Variants in KIAA0825 observed in about 807,000 individuals in gnomAD.
The protein encoded by KIAA0825 is uncharacterized protein KIAA0825.
Under a neutral mutation model 147.6 loss-of-function variants are expected in KIAA0825, and 119 were observed. That is an observed-to-expected ratio of 0.81 (90% CI 0.69 to 0.94). The LOEUF (loss-of-function observed/expected upper bound fraction) is 0.94. KIAA0825 is among the 40% of genes least tolerant of loss of function. KIAA0825 has a pLI of 0.00. For missense variants in KIAA0825, 1,381 were observed against 1,472.7 expected (o/e 0.94, Z 1.02); for synonymous variants, 470 against 518.1 (o/e 0.91, Z 1.26).
chr5:94,284,843 T>A (rs959530914), intron 20 of KIAA0825, among the ~76,000 whole-genome samples: 4 of 152,148 alleles, frequency 2.6e-5, no homozygotes, highest in Admixed American at 6.6e-5. Context: ...CTGCCACAGA[T>A]CTCACTTAGA....
At chr5:94,245,342 G>A (rs910798224) in intron 20 of KIAA0825, among the ~76,000 whole-genome samples, 4 of 152,156 alleles carry the variant, frequency 2.6e-5, no homozygotes, top group African/African-American at 9.7e-5. Context: ...TCAGCAAACA[G>A]TTGTTCTGGT....
chr5:94,273,984 G>A (rs1250416674), intron 20 of KIAA0825, among the ~76,000 whole-genome samples: 1 of 152,088 alleles, frequency 6.6e-6, no homozygotes, highest in African/African-American at 2.4e-5. Flanking sequence ...GGTATAATTG[G>A]TACAGAATAG....
At position 94,237,027 on chromosome 5, in the gene KIAA0825, T is replaced by C. The variant is rs1164938428; in HGVS notation, c.3711-82903A>G. On this transcript the variant is annotated intron_variant, in intron 20 of 20. Transcript: ENST00000682413. ...CCAAACTGACAATATCTCTGAAGTA[T>C]GCCTAAATAGGCTATATGTGTGTGT... Among the ~76,000 whole-genome samples the C allele has an allele frequency of 3.3e-5, 5 of 151,004 alleles. No individual in the cohort carries two copies. The Admixed American group carries it at 3.3e-4, about 10-fold the overall frequency.
At chr5:94,444,800 T>C (rs563486432) in intron 13 of KIAA0825, among the ~76,000 whole-genome samples, 2 of 151,960 alleles carry the variant, frequency 1.3e-5, no homozygotes, top group South Asian at 4.2e-4. Context: ...GAACCTAACA[T>C]AGGGAATAAG....
intron 20 of KIAA0825, among the ~76,000 whole-genome samples, chr5:94,269,920 A>G (rs1443359556): frequency 6.6e-6 from 1 of 152,078 alleles, no homozygotes; most frequent in Non-Finnish European, 1.5e-5. Flanking sequence ...AAATAAGAAA[A>G]AAAGAAGACC....
chr5:94,579,691 T>C (rs535591721), intron 2 of KIAA0825, among the ~76,000 whole-genome samples: 2 of 152,332 alleles, frequency 1.3e-5, no homozygotes, highest in African/African-American at 4.8e-5. Flanking sequence ...CCAGAAAACT[T>C]TTCTATATTG....
At chr5:94,370,964 C>T (rs908553250) in intron 20 of KIAA0825, among the ~76,000 whole-genome samples, 2 of 151,832 alleles carry the variant, frequency 1.3e-5, no homozygotes, top group Non-Finnish European at 2.9e-5. Context: ...ATAGCCTATT[C>T]CTTAGACTTA....
intron 20 of KIAA0825, among the ~76,000 whole-genome samples, chr5:94,309,102 G>A (rs1278127227): frequency 6.6e-6 from 1 of 151,622 alleles, no homozygotes; most frequent in African/African-American, 2.4e-5. Flanking sequence ...TCTGTAGCAA[G>A]TTATTCAATA....
intron 15 of KIAA0825, among the ~76,000 whole-genome samples, chr5:94,404,685 T>C (rs29930): frequency 0.27 from 40,928 of 152,128 alleles, 5,769 homozygotes; most frequent in Middle Eastern, 0.33. Flanking sequence ...TTATTTCAAA[T>C]GATAATAATT....
rs536965672 is a variant in KIAA0825, at chr5:94,308,612, T to C, written c.3710+75756A>G. On this transcript the variant is annotated intron_variant, in intron 20 of 20. Transcript: ENST00000682413. The stretch of plus-strand genomic sequence containing the variant: ...CCCTGCTGAATACAAAGATTACTCA[T>C]GTTTTAAAATGAGATTGTTGATGAT... Among the ~76,000 whole-genome samples the C allele has an allele frequency of 6.6e-5, 10 of 151,938 alleles. No individual in the cohort carries two copies. In the South Asian group the frequency reaches 2.1e-3, roughly 31 times the overall value.
intron 20 of KIAA0825, among the ~76,000 whole-genome samples, chr5:94,203,579 T>C (rs557230304): frequency 1.3e-5 from 2 of 152,076 alleles, no homozygotes; most frequent in Non-Finnish European, 2.9e-5. Flanking sequence ...AGTAAAAACA[T>C]CTAGTGGGTG....
chr5:94,572,776 A>C (rs950538500), intron 2 of KIAA0825, among the ~76,000 whole-genome samples: 6 of 152,238 alleles, frequency 3.9e-5, no homozygotes, highest in African/African-American at 1.4e-4. Flanking sequence ...ATAGAATTAA[A>C]AAGGGACAGC....
Position 94,224,082 on chromosome 5 carries a change from C to CTTTTTTTTTTTTTTTT in KIAA0825, c.3711-69974_3711-69959dup, listed in dbSNP as rs869059424. 5.9e-3 allele frequency among the ~76,000 whole-genome samples: 333 copies of CTTTTTTTTTTTTTTTT among 56,506 alleles called. 4 individuals are homozygous for CTTTTTTTTTTTTTTTT. The highest frequency in any genetic ancestry group is 0.017 in the Middle Eastern group (1 of 58). The allele number at this position is 56,506 out of a possible 152,430, so 37.1% of individuals were successfully genotyped here. On this transcript the variant is annotated intron_variant, in intron 20 of 20. Transcript: ENST00000682413. ...TTTCTTTTCTCTTTCTTTTTCTTTT[C>CTTTTTTTTTTTTTTTT]TTTTTTTTTTTTTTTTTTTTTTTTT...
intron 20 of KIAA0825, among the ~76,000 whole-genome samples, chr5:94,263,858 C>G: frequency 6.6e-6 from 1 of 152,078 alleles, no homozygotes; most frequent in Non-Finnish European, 1.5e-5. Context: ...CTCAGATCTG[C>G]TAGGATAGCC....
At chr5:94,532,459 C>CACTTCTT (rs1770989589) in intron 3 of KIAA0825, among the ~76,000 whole-genome samples, 1 of 152,040 alleles carries the variant, frequency 6.6e-6, no homozygotes, top group African/African-American at 2.4e-5. Context: ...GACCTGGTAG[C>CACTTCTT]ACTTCTTGCT....
chr5:94,353,029 C>G (rs1190375086), intron 20 of KIAA0825, among the ~76,000 whole-genome samples: 1 of 152,040 alleles, frequency 6.6e-6, no homozygotes, highest in Non-Finnish European at 1.5e-5. Flanking sequence ...TGCTAAAGAA[C>G]TTACTCATGT....
intron 2 of KIAA0825, among the ~76,000 whole-genome samples, chr5:94,552,015 G>A (rs1180452861): frequency 6.6e-6 from 1 of 151,722 alleles, no homozygotes; most frequent in Non-Finnish European, 1.5e-5. Flanking sequence ...ACTATATACT[G>A]CCCACAAAAA....
chr5:94,410,640 C>T (rs1752635158), intron 15 of KIAA0825, among the ~76,000 whole-genome samples: 1 of 152,032 alleles, frequency 6.6e-6, no homozygotes, highest in South Asian at 2.1e-4. Context: ...GTAAATATTT[C>T]CACTGATTTA....
chr5:94,291,966 C>G (rs1386394290), intron 20 of KIAA0825, among the ~76,000 whole-genome samples: 1 of 152,084 alleles, frequency 6.6e-6, no homozygotes, highest in Admixed American at 6.6e-5. Context: ...GATTTTGTAT[C>G]CTGAAACTGT....
Sources: gnomAD v4.1 joint callset for allele counts (sites outside exome capture counted in the v4.1 genomes callset) on GRCh38, gnomAD v4.1.1 for gene constraint, MANE v1.5 for transcripts, NCBI Gene and HGNC (gene_info 2026-07-23, HGNC 2026-07-21) for gene names.